Variants in PCDH11X observed in about 807,000 individuals in gnomAD.
The protein encoded by PCDH11X is protocadherin-11 X-linked.
PCDH11X carries 18 observed loss-of-function variants against 53.3 expected under a neutral mutation model. That is an observed-to-expected ratio of 0.34 (90% CI 0.23 to 0.50). PCDH11X has a LOEUF of 0.50. Among genes scored for constraint, PCDH11X ranks in the 20% least tolerant of loss-of-function variants. PCDH11X has a pLI of 0.98. For synonymous variants in PCDH11X, 279 were observed against 393.3 expected (o/e 0.71, Z 3.44); for missense variants, 570 against 1,032.4 (o/e 0.55, Z 6.14).
intron 8 of PCDH11X, among the ~76,000 whole-genome samples, chrX:92,336,901 C>T (rs1006507145): frequency 2.7e-5 from 3 of 110,726 alleles, no homozygotes; most frequent in East Asian, 5.7e-4. Context: ...CTTTTTGATT[C>T]GGTTCCTTAC....
At chrX:92,382,796 A>G (rs1468215330) in intron 8 of PCDH11X, among the ~76,000 whole-genome samples, 3 of 106,893 alleles carry the variant, frequency 2.8e-5, no homozygotes, top group East Asian at 5.8e-4. Context: ...CCATAAAGTC[A>G]CTGTTCCAGT....
At chrX:91,859,812 A>G (rs1938559737) in intron 5 of PCDH11X, among the ~76,000 whole-genome samples, 1 of 103,550 alleles carries the variant, frequency 9.7e-6, no homozygotes, top group Non-Finnish European at 2.0e-5. Flanking sequence ...ATTCTGTTGC[A>G]TTTGTCTATG....
intron 8 of PCDH11X, among the ~76,000 whole-genome samples, chrX:92,274,908 A>G (rs2068048238): frequency 9.1e-6 from 1 of 109,912 alleles, no homozygotes; most frequent in African/African-American, 3.3e-5. Context: ...AGAGAGATAC[A>G]GTCATGGGGG....
At chrX:92,358,312 A>C (rs766401217) in intron 8 of PCDH11X, among the ~76,000 whole-genome samples, 1 of 84,585 alleles carries the variant, frequency 1.2e-5, no homozygotes, top group Non-Finnish European at 2.3e-5. Context: ...CCATTTCATC[A>C]ACAAATAATC....
At chrX:91,889,357 C>T (rs1271588562) in intron 6 of PCDH11X, among the ~76,000 whole-genome samples, 1 of 111,553 alleles carries the variant, frequency 9.0e-6, no homozygotes, top group Non-Finnish European at 1.9e-5. Context: ...CTTGCTCTGT[C>T]TCCCAGGCTG....
At chrX:91,847,443 CAG>C (rs1438349159) in intron 5 of PCDH11X, among the ~76,000 whole-genome samples, 5 of 111,234 alleles carry the variant, frequency 4.5e-5, no homozygotes, top group African/African-American at 1.6e-4. Flanking sequence ...TAAGATTAAA[CAG>C]GGACATTAAA....
chrX:92,602,456 A>G (rs1926351245), intron 10 of PCDH11X, among the ~76,000 whole-genome samples: 1 of 112,435 alleles, frequency 8.9e-6, no homozygotes, highest in Non-Finnish European at 1.9e-5. Context: ...CTCAAATTTG[A>G]TTGTATCAGA....
chrX:91,816,327 G>A (rs950016917), intron 4 of PCDH11X, among the ~76,000 whole-genome samples: 7 of 109,830 alleles, frequency 6.4e-5, no homozygotes, highest in African/African-American at 2.4e-4. Context: ...TGACTCATAA[G>A]AAATAGCAAT....
At chrX:92,114,235 G>A in intron 6 of PCDH11X, 1 of 1,006,983 alleles carries the variant, frequency 9.9e-7, no homozygotes, top group Non-Finnish European at 1.4e-6. Context: ...CCCAGATCAG[G>A]CTTGAGCGAT....
chrX:92,254,246 G>C (rs2067518146), intron 7 of PCDH11X, among the ~76,000 whole-genome samples: 1 of 111,349 alleles, frequency 9.0e-6, no homozygotes, highest in Non-Finnish European at 1.9e-5. Flanking sequence ...GTGTACATTG[G>C]AGACTAGGAT....
intron 6 of PCDH11X, among the ~76,000 whole-genome samples, chrX:91,975,478 G>T (rs938307187): frequency 1.8e-5 from 2 of 111,091 alleles, no homozygotes; most frequent in Non-Finnish European, 3.8e-5. Flanking sequence ...GTCCTGGCTG[G>T]AGATATAAAC....
intron 10 of PCDH11X, among the ~76,000 whole-genome samples, chrX:92,562,838 A>G (rs2075152239): frequency 1.8e-5 from 2 of 109,869 alleles, no homozygotes; most frequent in South Asian, 7.8e-4. Flanking sequence ...TCCATCTGAG[A>G]TCTCCTCAAC....
intron 7 of PCDH11X, among the ~76,000 whole-genome samples, chrX:92,229,230 G>A (rs922122536): frequency 2.2e-4 from 24 of 111,105 alleles, no homozygotes; most frequent in Non-Finnish European, 4.2e-4. Flanking sequence ...GCTGCTAAGT[G>A]GGGAAATTGT....
At chrX:92,034,478 T>G (rs1289566812) in intron 6 of PCDH11X, among the ~76,000 whole-genome samples, 1 of 108,523 alleles carries the variant, frequency 9.2e-6, no homozygotes, top group Non-Finnish European at 1.9e-5. Context: ...ATTGACTACT[T>G]TATCATTATA....
At chrX:91,821,022 A>G (rs1200015227) in intron 4 of PCDH11X, among the ~76,000 whole-genome samples, 1 of 106,998 alleles carries the variant, frequency 9.3e-6, no homozygotes. Context: ...GTTCTGTTCC[A>G]TTGATCTATA....
At chrX:92,406,374 G>A (rs954043649) in intron 9 of PCDH11X, among the ~76,000 whole-genome samples, 1 of 106,146 alleles carries the variant, frequency 9.4e-6, no homozygotes, top group East Asian at 3.4e-4. Flanking sequence ...TAACTACTTA[G>A]GTAATGTCTA....
intron 10 of PCDH11X, among the ~76,000 whole-genome samples, chrX:92,527,431 G>A (rs1393771192): frequency 9.1e-6 from 1 of 110,119 alleles, no homozygotes; most frequent in Non-Finnish European, 1.9e-5. Flanking sequence ...TAAAAAATTA[G>A]AAATTAAAAA....
intron 6 of PCDH11X, among the ~76,000 whole-genome samples, chrX:92,019,616 T>C (rs750376427): frequency 3.2e-4 from 36 of 112,022 alleles, no homozygotes; most frequent in Non-Finnish European, 5.8e-4. Context: ...AACTTTCGGG[T>C]AAATAATGAA....
intron 9 of PCDH11X, among the ~76,000 whole-genome samples, chrX:92,435,512 A>G (rs2072350358): frequency 9.0e-6 from 1 of 111,436 alleles, no homozygotes; most frequent in African/African-American, 3.3e-5. Context: ...TCAAAATGAA[A>G]GAAAGAATGG....
Sources: allele counts gnomAD v4.1 joint callset (sites outside exome capture counted in the v4.1 genomes callset), GRCh38; gene constraint gnomAD v4.1.1; transcripts MANE v1.5; gene names NCBI Gene and HGNC (gene_info 2026-07-23, HGNC 2026-07-21).